The following CIP2A variants were observed in gnomAD, a reference collection of about 807,000 sequenced individuals.
CIP2A encodes protein CIP2A.
Under a neutral mutation model 110.9 loss-of-function variants are expected in CIP2A, and 103 were observed. The ratio of observed to expected loss-of-function variants is 0.93; its 90% confidence interval spans 0.79 to 1.09. The LOEUF is 1.09. Among genes scored for constraint, CIP2A ranks in the 50% least tolerant of loss-of-function variants. The pLI is 0.00. For synonymous variants in CIP2A, 381 were observed against 361.6 expected (o/e 1.05, Z -0.61); for missense variants, 1,088 against 1,038.4 (o/e 1.05, Z -0.66).
intron 5 of CIP2A, among the ~76,000 whole-genome samples, chr3:108,580,743 C>T (rs1467579057): frequency 6.6e-6 from 1 of 152,050 alleles, no homozygotes; most frequent in East Asian, 1.9e-4. Flanking sequence ...ATTCCCCTGC[C>T]TCAGCTTCCC....
Position 108,564,502 on chromosome 3 carries a change from A to G in CIP2A, c.1515+853T>C, listed in dbSNP as rs1454891639. On this transcript the variant is annotated intron_variant, in intron 12 of 20. Transcript: ENST00000295746. ...ATATTTTGGAGTAGTCTCCTCCACT[A>G]TGCTTTAGCAGACCAGATCAAACCA... Among the ~76,000 whole-genome samples, 5 of 151,958 alleles carry G rather than the reference A, an allele frequency of 3.3e-5. No homozygotes were observed. In the East Asian group the frequency reaches 7.7e-4, roughly 23 times the overall value.
At chr3:108,587,397 G>C (rs1424785206) in intron 1 of CIP2A, among the ~76,000 whole-genome samples, 2 of 152,112 alleles carry the variant, frequency 1.3e-5, no homozygotes, top group Admixed American at 1.3e-4. Flanking sequence ...AGATTTTATT[G>C]AGTGGAAAAG....
At chr3:108,580,919 C>T (rs187955230) in intron 5 of CIP2A, among the ~76,000 whole-genome samples, 78 of 152,218 alleles carry the variant, frequency 5.1e-4, no homozygotes, top group Non-Finnish European at 8.7e-4. Flanking sequence ...GCCACCATGC[C>T]CAGCTGATTT....
chr3:108,568,955 T>C (rs1308000732), intron 9 of CIP2A, among the ~76,000 whole-genome samples: 3 of 151,142 alleles, frequency 2.0e-5, no homozygotes, highest in African/African-American at 7.3e-5. Context: ...TGTGGAGTTT[T>C]GTCTGTATCT....
intron 4 of CIP2A, 65 bp downstream of exon 4, chr3:108,582,043 C>A: frequency 1.4e-6 from 1 of 731,448 alleles, no homozygotes; most frequent in South Asian, 2.1e-5. Flanking sequence ...ATTAATCTAC[C>A]ACATGGTTGT....
Position 108,569,418 on chromosome 3 carries a change from C to T in CIP2A, c.1084G>A (p.Ala362Thr), listed in dbSNP as rs149672943. The change falls in exon 9 of 21, where the codon GCA (alanine) becomes ACA (threonine). Residue 362 changes from alanine to threonine, a missense_variant. Physicochemically the swap from Ala to Thr is moderately conservative, Grantham distance 58. Coordinates refer to ENST00000295746, the MANE Select transcript of CIP2A (RefSeq NM_020890.3). The part of the protein sequence containing the change: ...LDGSENCSVL[A>T]LELFKEIFED... ...AATATTTCCTTGAACAACTCCAATG[C>T]TAAAACAGAACAGTTTTCTGATCCG... The T allele has an allele frequency of 1.6e-4, 264 of 1,612,376 alleles. 1 individual carries two copies. Among genetic ancestry groups the T allele is most frequent in the Admixed American group, 6.7e-5 (4 of 59,774 alleles).
In CIP2A at chr3:108,576,329, GAAGAA is replaced by G. The variant is rs764715342; in HGVS notation, c.831_835del (p.Ser278MetfsTer10). On this transcript the variant is annotated frameshift_variant, in exon 8 of 21. Transcript: ENST00000295746. LOFTEE classifies it high-confidence loss of function. ...AAGACCTAATACTTGGTGAAGACAT[GAAGAA>G]AAGTGCTCATATCTAGGTTTAGAAT... 1.3e-6 allele frequency: 2 copies of G among 1,551,260 alleles called. No homozygotes were observed. Among genetic ancestry groups the G allele is most frequent in the Admixed American group, 1.8e-5 (1 of 54,102 alleles).
Position 108,582,162 on chromosome 3 carries a change from A to G in CIP2A, c.398T>C (p.Ile133Thr), listed in dbSNP as rs370076615. The G allele has an allele frequency of 8.7e-6, 13 of 1,501,458 alleles. No homozygotes were observed. The highest frequency in any genetic ancestry group is 2.3e-5 in the East Asian group (1 of 43,330). 93.0% of individuals were successfully genotyped at this position (1,501,458 alleles called of 1,614,324 possible). A position where few individuals can be genotyped will look rare whatever the true frequency, so the allele number is the denominator to read the frequency against. ...LLQKLTYNVK[I>T]FYSGANIDEL... is the part of the protein sequence containing the mutation. Reference sequence around the variant, plus strand: ...ATCTATATTGGCACCAGAATAGAAAATTTTGACATTATATGTTAACTTCTG... The same window carrying G: ...ATCTATATTGGCACCAGAATAGAAAGTTTTGACATTATATGTTAACTTCTG... The change falls in exon 4 of 21, where the codon ATT (isoleucine) becomes ACT (threonine). Residue 133 changes from isoleucine to threonine, a missense_variant. Transcript: ENST00000295746.
At chr3:108,557,175 A>C in intron 17 of CIP2A, 43 bp downstream of exon 17, 2 of 1,273,270 alleles carry the variant, frequency 1.6e-6, no homozygotes, top group Non-Finnish European at 2.2e-6. Flanking sequence ...CTGCATGTTC[A>C]TTCTAGGTTC....
intron 7 of CIP2A, among the ~76,000 whole-genome samples, chr3:108,577,047 C>CAT (rs774853093): frequency 1.9e-4 from 29 of 152,040 alleles, no homozygotes; most frequent in Non-Finnish European, 3.7e-4. Context: ...AGAAGTTAGG[C>CAT]ATATAAGAGA....
rs754997376 is a variant in CIP2A, at chr3:108,560,785, A to G, written c.1691T>C (p.Ile564Thr). 2 of 1,613,010 alleles carry G rather than the reference A, an allele frequency of 1.2e-6. No individual in the cohort carries two copies. Among genetic ancestry groups the G allele is most frequent in the Non-Finnish European group, 1.7e-6 (2 of 1,179,394 alleles). The change falls in exon 14 of 21, where the codon ATA becomes ACA. Residue 564 changes from isoleucine to threonine, a missense_variant. Physicochemically the swap from Ile to Thr is moderately conservative, Grantham distance 89. Coordinates refer to ENST00000295746, the MANE Select transcript of CIP2A (RefSeq NM_020890.3). The stretch of plus-strand genomic sequence containing the variant: ...TGATTGCCAGGGCATTTTTCTGGGT[A>G]TATGTTCTGTTTCCTGTTGTCTATA... ...NAYRQQETEH[I>T]PRKMPWQSSN...
chr3:108,572,793 A>G (rs981801475), intron 8 of CIP2A, among the ~76,000 whole-genome samples: 4 of 151,942 alleles, frequency 2.6e-5, no homozygotes, highest in African/African-American at 9.7e-5. Context: ...CAATCTCTAT[A>G]TCTTTTTAAT....
At chr3:108,567,789 C>T (rs762840976) in intron 10 of CIP2A, among the ~76,000 whole-genome samples, 1 of 151,772 alleles carries the variant, frequency 6.6e-6, no homozygotes, top group Non-Finnish European at 1.5e-5. Context: ...CACTACTGAT[C>T]GTCCGTCCAG....
intron 11 of CIP2A, 44 bp downstream of exon 11, chr3:108,566,453 T>A: frequency 1.9e-6 from 3 of 1,545,168 alleles, no homozygotes; most frequent in Non-Finnish European, 2.6e-6. Flanking sequence ...ATCTTTCGAT[T>A]TTTTACTGCC....
In CIP2A at chr3:108,550,813, G is replaced by A. The variant is rs529220610; in HGVS notation, c.*336C>T. The A allele has an allele frequency of 1.9e-5, 3 of 154,984 alleles. No individual in the cohort carries two copies. Among genetic ancestry groups the A allele is most frequent in the South Asian group, 2.1e-4 (1 of 4,856 alleles). The allele number at this position is 154,984 out of a possible 1,614,324, so 9.6% of individuals were successfully genotyped here. The stretch of plus-strand genomic sequence containing the variant: ...TTAAGATCTAAATAATCACAAATGA[G>A]AATAAATAAGACAGGCAAAACAGAA... On this transcript the variant is annotated 3_prime_UTR_variant, in exon 21 of 21. Transcript: ENST00000295746.
Position 108,585,120 on chromosome 3 carries a change from GT to G in CIP2A, c.194del (p.Asp65AlafsTer4). ...AGATCAGTGAAGCACTTATGTTGGG[GT>G]CTTCAAGTAGCTCTACAAGGCAACT... ...CLSCLVELLEDPNISASLILS... is the reference protein window; with the variant it reads ...CLSCLVELLEXPNISASLILS... On this transcript the variant is annotated frameshift_variant, in exon 2 of 21. Coordinates refer to ENST00000295746, the MANE Select transcript of CIP2A (RefSeq NM_020890.3). LOFTEE classifies it high-confidence loss of function. 1 of 1,613,524 alleles carries G rather than the reference GT, an allele frequency of 6.2e-7. No individual in the cohort carries two copies. The highest frequency in any genetic ancestry group is 8.5e-7 in the Non-Finnish European group (1 of 1,179,560).
chr3:108,564,784 T>C (rs550863976), intron 12 of CIP2A, among the ~76,000 whole-genome samples: 4 of 152,036 alleles, frequency 2.6e-5, no homozygotes, highest in Admixed American at 6.6e-5. Flanking sequence ...TTCTATTTTA[T>C]AGAATGAGGC....
intron 4 of CIP2A, 80 bp from the exon 5 acceptor site, chr3:108,581,591 G>C: frequency 1.2e-6 from 1 of 800,906 alleles, no homozygotes; most frequent in Admixed American, 2.4e-5. Context: ...AAGTCAAAAT[G>C]ATATAGTTAA....
At chr3:108,558,336 G>A (rs1257638990) in intron 16 of CIP2A, among the ~76,000 whole-genome samples, 2 of 152,058 alleles carry the variant, frequency 1.3e-5, no homozygotes, top group Non-Finnish European at 1.5e-5. Context: ...TTATTTTGAT[G>A]CATCTTTCAA....
Sources: allele counts gnomAD v4.1 joint callset (sites outside exome capture counted in the v4.1 genomes callset), GRCh38; gene constraint gnomAD v4.1.1; transcripts MANE v1.5; gene names NCBI Gene and HGNC (gene_info 2026-07-23, HGNC 2026-07-21).